Variants in ASTN2 observed in about 807,000 individuals in gnomAD.
The protein encoded by ASTN2 is astrotactin-2.
A neutral mutation model predicts 139.8 loss-of-function variants in ASTN2; 54 were observed. The observed-to-expected ratio is 0.39, with a 90% CI of 0.31 to 0.48. The LOEUF (loss-of-function observed/expected upper bound fraction) is 0.48, where lower values mean the gene tolerates loss of function less well. ASTN2 is among the 20% of genes least tolerant of loss of function. The pLI is 0.95. For missense variants in ASTN2, 1,565 were observed against 1,725.1 expected (o/e 0.91, Z 1.64); for synonymous variants, 756 against 719.5 (o/e 1.05, Z -0.81).
chr9:116,619,899 G>A (rs756028437), intron 18 of ASTN2, among the ~76,000 whole-genome samples: 10 of 151,860 alleles, frequency 6.6e-5, no homozygotes, highest in African/African-American at 1.5e-4. Context: ...TAAATTGTCC[G>A]TTCCCTGAGT....
intron 1 of ASTN2, among the ~76,000 whole-genome samples, chr9:117,394,511 T>C (rs1564182470): frequency 6.6e-6 from 1 of 151,906 alleles, no homozygotes; most frequent in East Asian, 1.9e-4. Flanking sequence ...GAAAGATAAA[T>C]AAAGTGTCCT....
chr9:117,042,444 A>T (rs115461286), intron 5 of ASTN2, among the ~76,000 whole-genome samples: 1 of 152,162 alleles, frequency 6.6e-6, no homozygotes, highest in Non-Finnish European at 1.5e-5. Flanking sequence ...GGTAGGAACT[A>T]TACATGAGAT....
At chr9:116,755,508 C>G (rs907846022) in intron 13 of ASTN2, among the ~76,000 whole-genome samples, 1 of 152,356 alleles carries the variant, frequency 6.6e-6, no homozygotes, top group Non-Finnish European at 1.5e-5. Flanking sequence ...AGGCAGCCAT[C>G]TGCAAGCCAA....
intron 19 of ASTN2, among the ~76,000 whole-genome samples, chr9:116,535,177 T>G (rs1478033259): frequency 6.6e-6 from 1 of 152,222 alleles, no homozygotes; most frequent in Non-Finnish European, 1.5e-5. Context: ...GAGTCTAGGA[T>G]TGCAACCTCT....
chr9:117,180,795 C>G, intron 3 of ASTN2: 1 of 1,544,890 alleles, frequency 6.5e-7, no homozygotes, highest in Non-Finnish European at 8.9e-7. Flanking sequence ...TCTCAGCCAC[C>G]ATGTCTTCAA....
In ASTN2 at chr9:116,614,864, T is replaced by C. The variant is rs191346072; in HGVS notation, c.3355+3460A>G. Among the ~76,000 whole-genome samples the C allele has an allele frequency of 9.5e-4, 144 of 152,218 alleles. 2 individuals carry two copies. In the East Asian group the frequency reaches 0.026, roughly 27 times the overall value. Reference sequence around the variant, plus strand: ...AAAGCAATGGCAACACAAGCCAAAATTGACAAATGGGATCTAATTAAACTA... The same window carrying C: ...AAAGCAATGGCAACACAAGCCAAAACTGACAAATGGGATCTAATTAAACTA... On this transcript the variant is annotated intron_variant, in intron 19 of 22. Coordinates refer to ENST00000313400, the MANE Select transcript of ASTN2 (RefSeq NM_001365068.1).
chr9:117,262,426 C>A (rs559273281), intron 2 of ASTN2, among the ~76,000 whole-genome samples: 117 of 96,660 alleles, frequency 1.2e-3, no homozygotes, highest in Non-Finnish European at 2.4e-3. Context: ...TATTTTTTAT[C>A]TCCTTAGCAT....
intron 3 of ASTN2, among the ~76,000 whole-genome samples, chr9:117,160,943 A>G (rs567957289): frequency 2.0e-4 from 31 of 152,118 alleles, no homozygotes; most frequent in African/African-American, 7.0e-4. Context: ...TAAAGTACAC[A>G]CACACACACA....
At chr9:116,456,993 T>G (rs1265150318) in intron 20 of ASTN2, among the ~76,000 whole-genome samples, 1 of 152,062 alleles carries the variant, frequency 6.6e-6, no homozygotes, top group Non-Finnish European at 1.5e-5. Flanking sequence ...GGTACTGTCA[T>G]AAAAACAGAC....
At chr9:116,446,747 G>T (rs1291758409) in intron 20 of ASTN2, among the ~76,000 whole-genome samples, 1 of 152,198 alleles carries the variant, frequency 6.6e-6, no homozygotes, top group African/African-American at 2.4e-5. Flanking sequence ...ACTGGCCAAG[G>T]TGGCTGAAAC....
chr9:116,721,702 T>C (rs954021515), intron 16 of ASTN2, among the ~76,000 whole-genome samples: 4 of 152,140 alleles, frequency 2.6e-5, no homozygotes, highest in African/African-American at 9.7e-5. Context: ...TGCATTAGAT[T>C]CTACCTTATT....
chr9:117,062,101 T>C (rs1464760877), intron 5 of ASTN2, among the ~76,000 whole-genome samples: 1 of 152,148 alleles, frequency 6.6e-6, no homozygotes, highest in Non-Finnish European at 1.5e-5. Flanking sequence ...TACCACACGA[T>C]GAATTATGTA....
chr9:117,225,535 G>GTATGTATATATATATATATA (rs369914209), intron 2 of ASTN2, among the ~76,000 whole-genome samples: 6 of 63,946 alleles, frequency 9.4e-5, no homozygotes, highest in Admixed American at 2.0e-4. Context: ...CAAGCTGTAT[G>GTATGTATATATATATATATA]TATATATATA....
intron 10 of ASTN2, among the ~76,000 whole-genome samples, chr9:116,888,119 C>T (rs1420868824): frequency 1.3e-5 from 2 of 151,944 alleles, no homozygotes; most frequent in Non-Finnish European, 2.9e-5. Context: ...ATTCATTAGA[C>T]CTGGCATGGT....
chr9:116,626,169 T>G (rs1280363302), intron 17 of ASTN2, among the ~76,000 whole-genome samples: 7 of 127,924 alleles, frequency 5.5e-5, no homozygotes, highest in Non-Finnish European at 9.7e-5. Context: ...TTTTTTTTTT[T>G]TTTTTTTTTT....
intron 3 of ASTN2, among the ~76,000 whole-genome samples, chr9:117,206,285 C>A (rs969904522): frequency 6.6e-6 from 1 of 152,174 alleles, no homozygotes; most frequent in Non-Finnish European, 1.5e-5. Flanking sequence ...TGCCTAGAGT[C>A]AGGAGAAACT....
chr9:116,557,731 C>G (rs573987125), intron 19 of ASTN2: 1 of 152,316 alleles, frequency 6.6e-6, no homozygotes, highest in Admixed American at 6.5e-5. Flanking sequence ...AATTTCCATA[C>G]CTTTTTCCTA....
chr9:117,120,310 T>C (rs886872292), intron 4 of ASTN2, among the ~76,000 whole-genome samples: 2 of 151,990 alleles, frequency 1.3e-5, no homozygotes, highest in African/African-American at 4.8e-5. Context: ...GCCCACTTTC[T>C]GGACCTGAAC....
intron 22 of ASTN2, among the ~76,000 whole-genome samples, chr9:116,437,994 AAACTCTGCAC>A (rs1322332196): frequency 6.6e-6 from 1 of 152,210 alleles, no homozygotes; most frequent in Non-Finnish European, 1.5e-5. Flanking sequence ...CCTCCATGTC[AAACTCTGCAC>A]AACTCTGGGC....
Sources: gnomAD v4.1 joint callset for allele counts (sites outside exome capture counted in the v4.1 genomes callset) on GRCh38, gnomAD v4.1.1 for gene constraint, MANE v1.5 for transcripts, NCBI Gene and HGNC (gene_info 2026-07-23, HGNC 2026-07-21) for gene names.